Variants in DMD observed in about 807,000 individuals in gnomAD.
DMD encodes dystrophin.
A neutral mutation model predicts 330.1 loss-of-function variants in DMD; 63 were observed. That is an observed-to-expected ratio of 0.19 (90% CI 0.16 to 0.24). DMD has a LOEUF of 0.24. Ranked by LOEUF, DMD falls within the 10% of genes least tolerant of loss-of-function variation. The pLI, the probability that DMD is intolerant of heterozygous loss-of-function variation, is 1.00. For synonymous variants in DMD, 1,223 were observed against 959.8 expected (o/e 1.27, Z -5.07); for missense variants, 3,344 against 2,684.1 (o/e 1.25, Z -5.43).
intron 9 of DMD, among the ~76,000 whole-genome samples, chrX:32,683,638 C>T (rs1367201549): frequency 1.8e-4 from 12 of 67,634 alleles, no homozygotes; most frequent in African/African-American, 7.0e-4. Context: ...CACTGGGTCC[C>T]GTAGTGGGGT....
At chrX:31,236,762 T>C (rs1029947474) in intron 63 of DMD, among the ~76,000 whole-genome samples, 1 of 112,153 alleles carries the variant, frequency 8.9e-6, no homozygotes, top group Non-Finnish European at 1.9e-5. Context: ...ATTAACTCTT[T>C]AGAGTTAATG....
At chrX:32,811,178 T>TAAAAA (rs751834619) in intron 6 of DMD, among the ~76,000 whole-genome samples, 5 of 86,504 alleles carry the variant, frequency 5.8e-5, no homozygotes, top group African/African-American at 2.1e-4. Flanking sequence ...TACAACTTAT[T>TAAAAA]AAAAAAAAAA....
At position 32,454,704 on chromosome X, in the gene DMD, A is replaced by G. The variant is rs775514990; in HGVS notation, c.3561T>C (p.Tyr1187=). Residue 1187 remains tyrosine, a synonymous_variant, in exon 26 of 79, where the codon TAT becomes TAC. Transcript: ENST00000357033. ...EEEYLERDFE[Y]KTPDELQKAV... The stretch of plus-strand genomic sequence containing the variant: ...CTTTCTGTAATTCATCTGGAGTTTT[A>G]TATTCAAAATCTCTCTCAAGATACT... The G allele has an allele frequency of 1.7e-6, 2 of 1,173,712 alleles. No individual in the cohort carries two copies. The highest frequency in any genetic ancestry group is 1.1e-6 in the Non-Finnish European group (1 of 877,751).
intron 43 of DMD, among the ~76,000 whole-genome samples, chrX:32,282,697 A>G (rs2148427857): frequency 8.9e-6 from 1 of 112,243 alleles, no homozygotes; most frequent in South Asian, 3.7e-4. Flanking sequence ...CTAAAGCGTA[A>G]TGTCTGTTTT....
chrX:31,852,470 T>C (rs754460050), intron 48 of DMD, among the ~76,000 whole-genome samples: 51 of 111,928 alleles, frequency 4.6e-4, no homozygotes, highest in African/African-American at 1.5e-3. Flanking sequence ...CCTAAGTCCT[T>C]ACTGGTGAAG....
At chrX:33,032,552 T>C (rs998061631) in intron 1 of DMD, among the ~76,000 whole-genome samples, 3 of 111,552 alleles carry the variant, frequency 2.7e-5, no homozygotes, top group African/African-American at 9.8e-5. Flanking sequence ...GAAGAATGGG[T>C]TTTAAATGAA....
chrX:32,544,606 C>A (rs1775880900), intron 17 of DMD, among the ~76,000 whole-genome samples: 1 of 111,133 alleles, frequency 9.0e-6, no homozygotes, highest in South Asian at 3.7e-4. Flanking sequence ...ACAAAAAGAT[C>A]AGTTAAAAAT....
chrX:32,195,335 G>A (rs1307673596), intron 44 of DMD, among the ~76,000 whole-genome samples: 2 of 111,090 alleles, frequency 1.8e-5, no homozygotes, highest in East Asian at 5.7e-4. Flanking sequence ...AGAGAAATAT[G>A]GGATGGAAAG....
chrX:31,716,349 C>T (rs1168430732), intron 52 of DMD, among the ~76,000 whole-genome samples: 1 of 111,749 alleles, frequency 8.9e-6, no homozygotes, highest in Non-Finnish European at 1.9e-5. Flanking sequence ...GTTGGGAGCT[C>T]GAGACCAGCC....
At chrX:32,570,538 T>A (rs2052297048) in intron 15 of DMD, among the ~76,000 whole-genome samples, 1 of 112,118 alleles carries the variant, frequency 8.9e-6, no homozygotes, top group African/African-American at 3.2e-5. Flanking sequence ...AGAGGCACAT[T>A]ATTGTTAGAA....
At chrX:32,160,121 G>A (rs2096843755) in intron 44 of DMD, among the ~76,000 whole-genome samples, 1 of 111,343 alleles carries the variant, frequency 9.0e-6, no homozygotes, top group African/African-American at 3.3e-5. Flanking sequence ...TGACCTTAGA[G>A]CTGGAAATTC....
chrX:32,799,253 T>G (rs2076375562), intron 7 of DMD, among the ~76,000 whole-genome samples: 2 of 110,999 alleles, frequency 1.8e-5, no homozygotes, highest in African/African-American at 6.5e-5. Flanking sequence ...TCTCAGGAAG[T>G]CAAAATAAAG....
chrX:32,590,728 A>C (rs1051690147), intron 13 of DMD, among the ~76,000 whole-genome samples: 1 of 111,098 alleles, frequency 9.0e-6, no homozygotes. Flanking sequence ...CAGGGGCTCT[A>C]AGGCCTTTGG....
In DMD at chrX:31,409,865, C is replaced by A. The variant is rs1602565538; in HGVS notation, c.9084+34616G>T. Among the ~76,000 whole-genome samples the A allele has an allele frequency of 8.0e-5, 9 of 111,949 alleles. 1 individual carries two copies. In the Admixed American group the frequency reaches 8.5e-4, roughly 11 times the overall value. ...ATAGAGTCTTGCTCTATCGCCCAGG[C>A]TGGAGGGCAGTGACACGATCTCTGC... On this transcript the variant is annotated intron_variant, in intron 60 of 78. Coordinates refer to ENST00000357033, the MANE Select transcript of DMD (RefSeq NM_004006.3).
chrX:33,139,029 G>C (rs1173295023), intron 1 of DMD, among the ~76,000 whole-genome samples: 1 of 111,241 alleles, frequency 9.0e-6, no homozygotes, highest in Admixed American at 9.7e-5. Context: ...ACCAGTCCGG[G>C]AGGGCAAAGT....
chrX:32,385,944 A>G (rs2097954890), intron 33 of DMD, among the ~76,000 whole-genome samples: 1 of 110,344 alleles, frequency 9.1e-6, no homozygotes, highest in Admixed American at 9.7e-5. Context: ...CATCACAAGT[A>G]GATATATATA....
At chrX:32,722,589 C>G (rs2066441638) in intron 7 of DMD, among the ~76,000 whole-genome samples, 1 of 110,832 alleles carries the variant, frequency 9.0e-6, no homozygotes, top group South Asian at 3.8e-4. Context: ...AGTCTACAAA[C>G]ATGGGATATT....
At chrX:31,435,837 G>C (rs1169800438) in intron 60 of DMD, among the ~76,000 whole-genome samples, 1 of 111,625 alleles carries the variant, frequency 9.0e-6, no homozygotes. Flanking sequence ...AACAACCAGT[G>C]CAAACAAATG....
intron 44 of DMD, among the ~76,000 whole-genome samples, chrX:31,991,860 T>G (rs149425562): frequency 2.7e-5 from 3 of 111,658 alleles, no homozygotes; most frequent in East Asian, 5.6e-4. Context: ...TTGTTGATTT[T>G]GAAAGTTTAT....
Sources: gnomAD v4.1 joint callset for allele counts (sites outside exome capture counted in the v4.1 genomes callset) on GRCh38, gnomAD v4.1.1 for gene constraint, MANE v1.5 for transcripts, NCBI Gene and HGNC (gene_info 2026-07-23, HGNC 2026-07-21) for gene names.